The following SLC16A9 variants were observed in gnomAD, a reference collection of about 807,000 sequenced individuals.
SLC16A9 encodes the protein solute carrier family 16 member 9.
In SLC16A9, 26 loss-of-function variants were observed where a neutral mutation model predicts 44.3. The observed-to-expected ratio is 0.59, with a 90% CI of 0.43 to 0.81. SLC16A9 has a LOEUF of 0.81. Among genes scored for constraint, SLC16A9 ranks in the 40% least tolerant of loss-of-function variants. SLC16A9 has a pLI of 0.00. For synonymous variants in SLC16A9, 230 were observed against 225.1 expected (o/e 1.02, Z -0.19); for missense variants, 559 against 595.8 (o/e 0.94, Z 0.64).
chr10:59,692,624 C>G (rs1197377715), intron 1 of SLC16A9, among the ~76,000 whole-genome samples: 1 of 152,162 alleles, frequency 6.6e-6, no homozygotes, highest in Non-Finnish European at 1.5e-5. Flanking sequence ...TATGTTTTAG[C>G]TCTGACTCCA....
intron 1 of SLC16A9, among the ~76,000 whole-genome samples, chr10:59,689,305 G>A (rs1020729001): frequency 3.9e-5 from 6 of 152,226 alleles, no homozygotes; most frequent in Admixed American, 3.3e-4. Flanking sequence ...TCTGTACTGC[G>A]TAAGGTGATT....
At chr10:59,679,829 G>A (rs908648410) in intron 2 of SLC16A9, among the ~76,000 whole-genome samples, 3 of 152,236 alleles carry the variant, frequency 2.0e-5, no homozygotes, top group Admixed American at 6.5e-5. Context: ...CTGCATAAAG[G>A]TAATTTGCAT....
chr10:59,697,497 T>C lies in SLC16A9; in HGVS notation c.-37+11982A>G, dbSNP rs371088508. Among the ~76,000 whole-genome samples, 625 of 151,768 alleles carry C rather than the reference T, an allele frequency of 4.1e-3. 1 individual carries two copies. The highest frequency in any genetic ancestry group is 0.024 in the South Asian group (116 of 4,788). On this transcript the variant is annotated intron_variant, in intron 1 of 5. Transcript: ENST00000395348. The stretch of plus-strand genomic sequence containing the variant: ...TCAGGGTTGAATGGATTAAGGGTGG[T>C]GCAAGATGTGCTTTGTTAAACAGAT...
intron 1 of SLC16A9, among the ~76,000 whole-genome samples, chr10:59,696,008 T>C (rs917206471): frequency 2.0e-5 from 3 of 152,182 alleles, no homozygotes; most frequent in Non-Finnish European, 4.4e-5. Flanking sequence ...CGATAGGAAC[T>C]GAGTAATGTT....
In SLC16A9 at chr10:59,684,265, A is replaced by G; in HGVS notation, c.27T>C (p.Gly9=). 6.2e-7 allele frequency: 1 copy of G among 1,613,292 alleles called. No individual in the cohort carries two copies. Among genetic ancestry groups the G allele is most frequent in the East Asian group, 2.2e-5 (1 of 44,846 alleles). MELKKSPD[G]GWGWVIVFVS... ...CAAACACAATCACCCAGCCCCATCC[A>G]CCGTCAGGCGACTTTTTAAGTTCCA... The change falls in exon 2 of 6, where the codon GGT becomes GGC. Residue 9 remains glycine, a synonymous_variant. Transcript: ENST00000395348.
chr10:59,696,757 C>G (rs1301382464), intron 1 of SLC16A9, among the ~76,000 whole-genome samples: 3 of 151,680 alleles, frequency 2.0e-5, no homozygotes, highest in African/African-American at 2.4e-5. Context: ...CCGGCCGCCC[C>G]GTCTGAGAAG....
intron 4 of SLC16A9, among the ~76,000 whole-genome samples, chr10:59,660,407 T>C (rs1252103243): frequency 6.6e-6 from 1 of 152,044 alleles, no homozygotes; most frequent in Non-Finnish European, 1.5e-5. Context: ...CTAGAATAAA[T>C]GGATAAATTC....
intron 1 of SLC16A9, among the ~76,000 whole-genome samples, chr10:59,685,839 T>C (rs1319838468): frequency 2.0e-5 from 3 of 152,232 alleles, no homozygotes; most frequent in African/African-American, 7.2e-5. Context: ...AGGCCAGGTA[T>C]TACCAAATTA....
intron 2 of SLC16A9, 74 bp from the exon 3 acceptor site, chr10:59,672,987 C>T: frequency 1.4e-6 from 2 of 1,430,388 alleles, no homozygotes; most frequent in Non-Finnish European, 1.9e-6. Context: ...ATTCTTTCCA[C>T]CATAAAACAA....
intron 3 of SLC16A9, among the ~76,000 whole-genome samples, chr10:59,667,517 A>G (rs1839648193): frequency 6.6e-6 from 1 of 152,218 alleles, no homozygotes; most frequent in Non-Finnish European, 1.5e-5. Flanking sequence ...GTTAACATCT[A>G]CTGGATTCGT....
intron 2 of SLC16A9, among the ~76,000 whole-genome samples, chr10:59,681,759 TATG>T (rs375754939): frequency 0.02 from 298 of 14,710 alleles, 77 homozygotes; most frequent in East Asian, 0.055. Context: ...TGTATATGTA[TATG>T]ATGTATATGT....
In SLC16A9 at chr10:59,652,852, G is replaced by T. The variant is rs1359306953; in HGVS notation, c.1450C>A (p.Pro484Thr). ...TGCTTGTTGCATGTATCCCAAGAGG[G>T]CAAGGCTGCCAGCAGCAGAATAAAA... ...GGFILLLAALPSWDTCNKQLP... is the reference protein window; with the variant it reads ...GGFILLLAALTSWDTCNKQLP... Residue 484 changes from proline (P) to threonine (T), a missense_variant, in exon 6 of 6, where the codon CCC (proline) becomes ACC (threonine). By Grantham distance (38) the Pro-to-Thr change is conservative. Transcript: ENST00000395348. 4.3e-6 allele frequency: 7 copies of T among 1,613,892 alleles called. No homozygotes were observed. Among genetic ancestry groups the T allele is most frequent in the African/African-American group, 1.3e-5 (1 of 74,898 alleles).
intron 2 of SLC16A9, among the ~76,000 whole-genome samples, chr10:59,675,571 T>C (rs537131242): frequency 7.9e-5 from 12 of 152,236 alleles, no homozygotes; most frequent in Non-Finnish European, 1.3e-4. Context: ...ATCAGCAGCT[T>C]CCCAATAAGA....
At chr10:59,692,247 A>C (rs1399013263) in intron 1 of SLC16A9, among the ~76,000 whole-genome samples, 1 of 152,210 alleles carries the variant, frequency 6.6e-6, no homozygotes, top group African/African-American at 2.4e-5. Context: ...GAGGTGAATC[A>C]AAAATCTAAA....
rs1483706014 is a variant in SLC16A9 at position 59,653,674 on chromosome 10, C to A, written c.1351+1G>T. The A allele has an allele frequency of 6.2e-7, 1 of 1,604,656 alleles. No homozygotes were observed. The highest frequency in any genetic ancestry group is 8.5e-7 in the Non-Finnish European group (1 of 1,175,154). On this transcript the variant is annotated splice_donor_variant, in intron 5 of 5. Transcript: ENST00000395348. LOFTEE classifies it high-confidence loss of function. The stretch of plus-strand genomic sequence containing the variant: ...GGATGATTTTAAGATAAATATCTTA[C>A]CAACGATGGGTGGTCCTAGGCTATT...
At chr10:59,663,072 T>C (rs997734302) in intron 4 of SLC16A9, among the ~76,000 whole-genome samples, 23 of 152,086 alleles carry the variant, frequency 1.5e-4, no homozygotes, top group African/African-American at 4.8e-4. Flanking sequence ...AAATGTGGCA[T>C]GTATAGGCCA....
intron 1 of SLC16A9, among the ~76,000 whole-genome samples, chr10:59,690,073 G>A (rs563471854): frequency 1.3e-5 from 2 of 152,286 alleles, no homozygotes; most frequent in Non-Finnish European, 2.9e-5. Flanking sequence ...TGTGGTCCCA[G>A]CTACTTGGGA....
At chr10:59,664,097 G>T in intron 4 of SLC16A9, 130 bp downstream of exon 4, 1 of 386,054 alleles carries the variant, frequency 2.6e-6, no homozygotes, top group Non-Finnish European at 4.6e-6. Flanking sequence ...CCTTCCAGAA[G>T]TAAAGAAATT....
At chr10:59,682,335 G>A (rs1840042819) in intron 2 of SLC16A9, among the ~76,000 whole-genome samples, 2 of 152,132 alleles carry the variant, frequency 1.3e-5, no homozygotes, top group South Asian at 4.1e-4. Flanking sequence ...AATTTGCACT[G>A]GGGCCTGCAA....
Sources: gnomAD v4.1 joint callset for allele counts (sites outside exome capture counted in the v4.1 genomes callset) on GRCh38, gnomAD v4.1.1 for gene constraint, MANE v1.5 for transcripts, NCBI Gene and HGNC (gene_info 2026-07-23, HGNC 2026-07-21) for gene names.